Variants in POLE observed in about 807,000 individuals in gnomAD.
POLE encodes DNA polymerase epsilon catalytic subunit A.
Under a neutral mutation model 279.2 loss-of-function variants are expected in POLE, and 188 were observed. The ratio of observed to expected loss-of-function variants is 0.67; its 90% CI spans 0.60 to 0.76. The LOEUF is 0.76. POLE is among the 30% of genes least tolerant of loss of function. The pLI is 0.00. For missense variants in POLE, 2,703 were observed against 3,016.7 expected (o/e 0.90, Z 2.44); for synonymous variants, 1,214 against 1,172.5 (o/e 1.04, Z -0.72).
At chr12:132,633,113 C>G (rs1158425029) in intron 43 of POLE, 7 of 198,486 alleles carry the variant, frequency 3.5e-5, no homozygotes, top group Non-Finnish European at 6.0e-5. Context: ...CCCCTGGCAT[C>G]AGCAAGCTTC....
chr12:132,686,562 C>T (rs894543818), intron 1 of POLE, among the ~76,000 whole-genome samples: 49 of 152,124 alleles, frequency 3.2e-4, no homozygotes, highest in African/African-American at 1.2e-3. Context: ...TGGTGAAACC[C>T]GGTCTCTACT....
intron 6 of POLE, among the ~76,000 whole-genome samples, chr12:132,678,848 AAGTCTCTGAGGACTC>A: frequency 6.6e-6 from 1 of 152,360 alleles, no homozygotes; most frequent in Non-Finnish European, 1.5e-5. Flanking sequence ...GATATGGCTC[AAGTCTCTGAGGACTC>A]AGTCTCTGAT....
intron 14 of POLE, 48 bp from the exon 15 acceptor site, chr12:132,672,887 T>TG (rs772736927): frequency 3.3e-6 from 5 of 1,533,556 alleles, no homozygotes; most frequent in Non-Finnish European, 3.6e-6. Flanking sequence ...CCAAAGGCCC[T>TG]GACTTGCAGG....
At chr12:132,650,950 A>G (rs2042410767) in intron 29 of POLE, 1 of 139,046 alleles carries the variant, frequency 7.2e-6, no homozygotes, top group African/African-American at 2.7e-5. Flanking sequence ...ATCTCATCTC[A>G]CTGCAACCTC....
At position 132,665,427 on chromosome 12, in the gene POLE, C is replaced by T. The variant is rs199751241; in HGVS notation, c.2343G>A (p.Ala781=). 1.7e-5 allele frequency: 27 copies of T among 1,611,968 alleles called. No homozygotes were observed. The Middle Eastern group carries it at 5.0e-4, about 30-fold the overall frequency. The change falls in exon 21 of 49, where the codon GCG becomes GCA. Residue 781 remains alanine (A), a synonymous_variant. Coordinates refer to ENST00000320574, the MANE Select transcript of POLE (RefSeq NM_006231.4). The part of the protein sequence containing the change: ...LHKVWKKKLS[A]AVEVGDAAEV... ...CAGCCGCGTCGCCCACCTCCACGGC[C>T]GCCGAGAGCTTCTTTTTCCACACCT...
intron 29 of POLE, among the ~76,000 whole-genome samples, chr12:132,656,452 G>A (rs1283771442): frequency 8.6e-5 from 13 of 151,160 alleles, no homozygotes; most frequent in East Asian, 2.0e-4. Context: ...TCCGCCTCCC[G>A]GGTTCACGCT....
chr12:132,641,002 G>A (rs546019426), intron 39 of POLE: 1 of 456,704 alleles, frequency 2.2e-6, no homozygotes, highest in East Asian at 6.9e-5. Flanking sequence ...ACAAAGACTT[G>A]TTTTTGAGCA....
intron 16 of POLE, among the ~76,000 whole-genome samples, chr12:132,671,806 T>C (rs2042934917): frequency 6.6e-6 from 1 of 152,124 alleles, no homozygotes; most frequent in South Asian, 2.1e-4. Context: ...CTAACCATTA[T>C]GTAAACAGAT....
At chr12:132,631,630 C>T (rs1458422777) in intron 45 of POLE, among the ~76,000 whole-genome samples, 2 of 152,104 alleles carry the variant, frequency 1.3e-5, no homozygotes, top group Non-Finnish European at 2.9e-5. Context: ...CTGACACCCG[C>T]GGTCGTTATC....
chr12:132,656,454 G>T (rs1418021959), intron 29 of POLE, among the ~76,000 whole-genome samples: 1 of 151,964 alleles, frequency 6.6e-6, no homozygotes, highest in Non-Finnish European at 1.5e-5. Context: ...CGCCTCCCGG[G>T]TTCACGCTGT....
chr12:132,633,976 A>C, intron 43 of POLE: 2 of 487,708 alleles, frequency 4.1e-6, no homozygotes, highest in Non-Finnish European at 7.2e-6. Context: ...GCTGGAGGGA[A>C]GACAGTCACC....
At chr12:132,633,162 C>CT (rs35854836) in intron 43 of POLE, 229 of 146,200 alleles carry the variant, frequency 1.6e-3, no homozygotes, top group South Asian at 3.0e-3. Context: ...GGCACTTACC[C>CT]TTTTTTTTTT....
intron 1 of POLE, among the ~76,000 whole-genome samples, chr12:132,685,316 C>T (rs1049459613): frequency 6.6e-6 from 1 of 151,938 alleles, no homozygotes; most frequent in Non-Finnish European, 1.5e-5. Flanking sequence ...GTACTCCACA[C>T]AGGCTCTCAT....
At position 132,673,154 on chromosome 12, in the gene POLE, T is replaced by C; in HGVS notation, c.1473+10A>G. 6.4e-7 allele frequency: 1 copy of C among 1,558,072 alleles called. No individual in the cohort carries two copies. The highest frequency in any genetic ancestry group is 8.9e-7 in the Non-Finnish European group (1 of 1,129,062). ...GAGGCCAGGGTGCCGACAGGACAGA[T>C]AATGCTCACCTCGTCGGGCTCCATG... On this transcript the variant is annotated intron_variant, in intron 14 of 48. Coordinates refer to ENST00000320574, the MANE Select transcript of POLE (RefSeq NM_006231.4).
Position 132,663,931 on chromosome 12 carries a change from C to T in POLE, c.2706+73G>A. The stretch of plus-strand genomic sequence containing the variant: ...AGGAAGGCATGCACACTGTGAGGTG[C>T]TGCAGAGCCAGTGACATCAGGGCAC... On this transcript the variant is annotated intron_variant, in intron 23 of 48. Transcript: ENST00000320574. 5 of 1,531,686 alleles carry T rather than the reference C, an allele frequency of 3.3e-6. No individual in the cohort carries two copies. The South Asian group carries it at 5.6e-5, about 17-fold the overall frequency. 94.9% of individuals were successfully genotyped at this position (1,531,686 alleles called of 1,614,324 possible). A position where few individuals can be genotyped will look rare whatever the true frequency, so the allele number is the denominator to read the frequency against.
At position 132,632,709 on chromosome 12, in the gene POLE, T is replaced by C. The variant is rs2041959031; in HGVS notation, c.6091A>G (p.Ser2031Gly). 4.3e-6 allele frequency: 7 copies of C among 1,613,932 alleles called. No individual in the cohort carries two copies. Among genetic ancestry groups the C allele is most frequent in the Non-Finnish European group, 5.9e-6 (7 of 1,179,996 alleles). ...CCCTCGGCCTCCTGGGAGAGCTGGC[T>C]GGCCCCCCTCCTCCTCACGGGGGTG... Reference protein sequence around the residue: ...GSTPVRRRGASQLSQEAEGAV... With the variant: ...GSTPVRRRGAGQLSQEAEGAV... Residue 2031 changes from serine to glycine, a missense_variant, in exon 44 of 49, where the codon AGC (serine) becomes GGC (glycine). Transcript: ENST00000320574.
intron 20 of POLE, among the ~76,000 whole-genome samples, chr12:132,667,064 T>C (rs5744805): frequency 0.52 from 79,615 of 151,920 alleles, 21,902 homozygotes; most frequent in East Asian, 0.7. Flanking sequence ...GCATTTTCCA[T>C]GTTCCTACCG....
rs1190987129 is a variant in POLE, at chr12:132,676,221, G to C, written c.910-17C>G. ...GAGGTAGCCCTAGCCAAGTTCATTA[G>C]CAATCAGCACAAGTCAGAGGCTGCA... On this transcript the variant is annotated splice_polypyrimidine_tract_variant and intron_variant, in intron 9 of 48. Coordinates refer to ENST00000320574, the MANE Select transcript of POLE (RefSeq NM_006231.4). The C allele has an allele frequency of 1.3e-6, 2 of 1,545,474 alleles. No individual in the cohort carries two copies.
At position 132,675,041 on chromosome 12, in the gene POLE, G is replaced by A. The variant is rs562925782; in HGVS notation, c.1226+357C>T. Among the ~76,000 whole-genome samples the A allele has an allele frequency of 2.8e-4, 43 of 152,282 alleles. No homozygotes were observed. Among genetic ancestry groups the A allele is most frequent in the Admixed American group, 2.5e-3 (38 of 15,300 alleles). The stretch of plus-strand genomic sequence containing the variant: ...CTCATATGGAATCTGTGGTTGTCCC[G>A]TGAGGCTTGTCCTGTGAGGCAGCCG... On this transcript the variant is annotated intron_variant, in intron 12 of 48. Transcript: ENST00000320574. This position sits in a 1 kb window ranked among gnomAD's most constrained non-coding sequence, Gnocchi z 4.3.
Sources: gnomAD v4.1 joint callset for allele counts (sites outside exome capture counted in the v4.1 genomes callset) on GRCh38, gnomAD v4.1.1 for gene constraint, Gnocchi (gnomAD v3.1) non-coding constraint, MANE v1.5 for transcripts, NCBI Gene and HGNC (gene_info 2026-07-23, HGNC 2026-07-21) for gene names.